MAP3K4: variants seen among roughly 807,000 people sequenced by gnomAD.
MAP3K4 encodes MAP three kinase 1.
A neutral mutation model predicts 185.6 loss-of-function variants in MAP3K4; 67 were observed. The ratio of observed to expected loss-of-function variants is 0.36; its 90% confidence interval spans 0.30 to 0.44. The LOEUF is 0.44. MAP3K4 is among the 20% of genes least tolerant of loss of function. The probability of loss-of-function intolerance (pLI) is 1.00; values close to 1 mark genes in which losing one functional copy is unlikely to be tolerated. For synonymous variants in MAP3K4, 702 were observed against 710.4 expected (o/e 0.99, Z 0.19); for missense variants, 1,551 against 1,995.1 (o/e 0.78, Z 4.24).
rs1166605195 is a variant in MAP3K4 at position 161,096,130 on chromosome 6, T to G, written c.3428-950T>G. Among the ~76,000 whole-genome samples the G allele has an allele frequency of 2.0e-5, 3 of 152,198 alleles. No homozygotes were observed. The highest frequency in any genetic ancestry group is 4.4e-5 in the Non-Finnish European group (3 of 68,030). ...CACAAATTGCCTGAGGGTTTTTTGT[T>G]AACAATCCCTTAAGTTTTGTTTTGT... On this transcript the variant is annotated intron_variant, in intron 15 of 26. Transcript: ENST00000392142. The surrounding 1 kb of genome is among the most constrained non-coding windows in gnomAD (Gnocchi z 4.9).
chr6:161,027,555 AAT>A (rs1782733396), intron 1 of MAP3K4, among the ~76,000 whole-genome samples: 1 of 152,194 alleles, frequency 6.6e-6, no homozygotes, highest in South Asian at 2.1e-4. Context: ...ATTTTAGAGA[AAT>A]AGAGTGGAGA....
chr6:161,058,220 A>AT lies in MAP3K4; in HGVS notation c.1707+8249dup, dbSNP rs199759561. Reference sequence around the variant, plus strand: ...TTTTGTCCCACACAGTGTTTTAAATATTTTTTTTGACTTAGTGTCTAATAT... The same window carrying AT: ...TTTTGTCCCACACAGTGTTTTAAATATTTTTTTTTGACTTAGTGTCTAATAT... On this transcript the variant is annotated intron_variant, in intron 3 of 26. Transcript: ENST00000392142. Among the ~76,000 whole-genome samples the AT allele has an allele frequency of 7.6e-3, 1,151 of 152,110 alleles. 12 individuals carry two copies. The highest frequency in any genetic ancestry group is 0.065 in the Middle Eastern group (19 of 294).
intron 19 of MAP3K4, among the ~76,000 whole-genome samples, 156 bp downstream of exon 19, chr6:161,102,935 A>G (rs141837393): frequency 6.6e-6 from 1 of 152,136 alleles, no homozygotes; most frequent in African/African-American, 2.4e-5. Context: ...ATCACTTTCT[A>G]TCATGTACTG....
rs1337773841 is a variant in MAP3K4 at position 161,112,406 on chromosome 6, T to C, written c.4520-262T>C. On this transcript the variant is annotated intron_variant, in intron 24 of 26. Coordinates refer to ENST00000392142, the MANE Select transcript of MAP3K4 (RefSeq NM_005922.4). The surrounding 1 kb of genome is among the most constrained non-coding windows in gnomAD (Gnocchi z 5.1). ...GTGCCATGAAATTTTGCCTCCTCCT[T>C]TGCAGGTTAAATTTTCTATTTTCAT... Among the ~76,000 whole-genome samples the C allele has an allele frequency of 6.6e-6, 1 of 152,190 alleles. No homozygotes were observed. The highest frequency in any genetic ancestry group is 2.4e-5 in the African/African-American group (1 of 41,438).
chr6:161,115,398 T>C lies in MAP3K4; in HGVS notation c.4806+96T>C. ...TGAAATTTTGAAACTTTAAAGTAGC[T>C]ATATCTGAAGTGGAAAGGAACTAAA... On this transcript the variant is annotated intron_variant, in intron 26 of 26. Transcript: ENST00000392142. The surrounding 1 kb of genome is among the most constrained non-coding windows in gnomAD (Gnocchi z 6.0). The C allele has an allele frequency of 1.6e-6, 2 of 1,214,728 alleles. No homozygotes were observed. The highest frequency in any genetic ancestry group is 2.4e-5 in the East Asian group (1 of 41,096). 75.2% of individuals were successfully genotyped at this position (1,214,728 alleles called of 1,614,324 possible). A position where few individuals can be genotyped will look rare whatever the true frequency, so the allele number is the denominator to read the frequency against.
chr6:161,016,493 T>A (rs572070408), intron 1 of MAP3K4, among the ~76,000 whole-genome samples: 1 of 152,362 alleles, frequency 6.6e-6, no homozygotes, highest in Non-Finnish European at 1.5e-5. Context: ...ATTTTGATCT[T>A]CTATTCATTT....
Position 161,049,543 on chromosome 6 carries a change from G to A in MAP3K4, c.1271G>A (p.Trp424Ter). The A allele has an allele frequency of 6.2e-7, 1 of 1,614,062 alleles. No homozygotes were observed. The highest frequency in any genetic ancestry group is 8.5e-7 in the Non-Finnish European group (1 of 1,179,950). ...LGIKNLSDIG[W>*]PVFEIPSPRP... ...ATCAAGAATTTATCAGACATTGGCT[G>A]GCCAGTGTTTGAAATCCCTTCCCCT... Residue 424 changes from tryptophan (W) to a stop codon, truncating the protein, a stop_gained, in exon 3 of 27, where the codon TGG (tryptophan) becomes TAG (stop). Transcript: ENST00000392142. LOFTEE classifies it high-confidence loss of function. The surrounding 1 kb of genome is among the most constrained non-coding windows in gnomAD (Gnocchi z 8.4).
rs572076797 is a variant in MAP3K4 at position 161,017,122 on chromosome 6, C to A, written c.153-17137C>A. The stretch of plus-strand genomic sequence containing the variant: ...GAAGCGAAAAAAGAACAACAAAGGC[C>A]TTAGTTTAACCAACATTATATTAAA... On this transcript the variant is annotated intron_variant, in intron 1 of 26. Coordinates refer to ENST00000392142, the MANE Select transcript of MAP3K4 (RefSeq NM_005922.4). The surrounding 1 kb of genome is among the most constrained non-coding windows in gnomAD (Gnocchi z 5.1). 6.6e-5 allele frequency among the ~76,000 whole-genome samples: 10 copies of A among 151,986 alleles called. No homozygotes were observed. The highest frequency in any genetic ancestry group is 2.2e-4 in the African/African-American group (9 of 41,450).
At chr6:161,021,246 A>G (rs73784713) in intron 1 of MAP3K4, among the ~76,000 whole-genome samples, 7,166 of 152,238 alleles carry the variant, frequency 0.047, 529 homozygotes, top group African/African-American at 0.16. Context: ...TTAGCTACCA[A>G]CAGGTCACTT....
intron 2 of MAP3K4, among the ~76,000 whole-genome samples, chr6:161,041,195 A>G (rs1423032097): frequency 1.3e-5 from 2 of 152,206 alleles, no homozygotes; most frequent in East Asian, 1.9e-4. Flanking sequence ...GCACCTGCCC[A>G]AGGAACATAT....
Position 160,991,896 on chromosome 6 carries a change from A to G in MAP3K4, c.-36A>G. 6.7e-7 allele frequency: 1 copy of G among 1,488,030 alleles called. No individual in the cohort carries two copies. The highest frequency in any genetic ancestry group is 8.9e-7 in the Non-Finnish European group (1 of 1,127,772). 92.2% of individuals were successfully genotyped at this position (1,488,030 alleles called of 1,614,324 possible). A position where few individuals can be genotyped will look rare whatever the true frequency, so the allele number is the denominator to read the frequency against. On this transcript the variant is annotated 5_prime_UTR_variant, in exon 1 of 27. Transcript: ENST00000392142. The surrounding 1 kb of genome is among the most constrained non-coding windows in gnomAD (Gnocchi z 5.7). ...GGTGCCCCGCGCCAGGCTGCAGCTT[A>G]CTGCCCGCCGCGGCCATGCGGGGCT... is the stretch of plus-strand genomic sequence containing the variant.
chr6:161,101,563 T>C lies in MAP3K4; in HGVS notation c.3675-329T>C, dbSNP rs117347685. The stretch of plus-strand genomic sequence containing the variant: ...GACAAGGTTTTATGCAGGCAGGTGC[T>C]CTCAGGCTCGGGTGTTGGCTATGGA... On this transcript the variant is annotated intron_variant, in intron 17 of 26. Transcript: ENST00000392142. This position sits in a 1 kb window ranked among gnomAD's most constrained non-coding sequence, Gnocchi z 5.1. The C allele has an allele frequency of 5.4e-6, 1 of 184,120 alleles. No homozygotes were observed. Among genetic ancestry groups the C allele is most frequent in the East Asian group, 1.3e-4 (1 of 7,556 alleles). 11.4% of individuals were successfully genotyped at this position (184,120 alleles called of 1,614,324 possible). A position where few individuals can be genotyped will look rare whatever the true frequency, so the allele number is the denominator to read the frequency against.
intron 19 of MAP3K4, among the ~76,000 whole-genome samples, chr6:161,105,336 A>C (rs925770267): frequency 3.9e-5 from 6 of 152,348 alleles, no homozygotes; most frequent in Admixed American, 3.3e-4. Context: ...CCTCTGGGCT[A>C]AATGCTTTAC....
chr6:161,081,974 T>A (rs1454162426), intron 6 of MAP3K4, among the ~76,000 whole-genome samples: 1 of 152,124 alleles, frequency 6.6e-6, no homozygotes, highest in Non-Finnish European at 1.5e-5. Context: ...TGTCTCCTGG[T>A]CCCGTCAGCG....
chr6:161,017,435 C>G lies in MAP3K4; in HGVS notation c.153-16824C>G, dbSNP rs543066221. Among the ~76,000 whole-genome samples, 1 of 152,174 alleles carries G rather than the reference C, an allele frequency of 6.6e-6. No individual in the cohort carries two copies. The highest frequency in any genetic ancestry group is 2.4e-5 in the African/African-American group (1 of 41,502). On this transcript the variant is annotated intron_variant, in intron 1 of 26. Coordinates refer to ENST00000392142, the MANE Select transcript of MAP3K4 (RefSeq NM_005922.4). This position sits in a 1 kb window ranked among gnomAD's most constrained non-coding sequence, Gnocchi z 5.1. ...CCAAGAGTGTTATTTATTTGGTCTT[C>G]TGGTACCATCTGTAGTTGAGAAGTA...
chr6:161,091,304 A>G lies in MAP3K4; in HGVS notation c.2974-75A>G. 1 of 1,305,442 alleles carries G rather than the reference A, an allele frequency of 7.7e-7. No individual in the cohort carries two copies. The highest frequency in any genetic ancestry group is 1.6e-5 in the South Asian group (1 of 63,682). 80.9% of individuals were successfully genotyped at this position (1,305,442 alleles called of 1,614,324 possible). A position where few individuals can be genotyped will look rare whatever the true frequency, so the allele number is the denominator to read the frequency against. ...GTTAATGTCTGTGTGATGATGAACG[A>G]AATCTTCCTTTAAAATGTGGTAAGT... On this transcript the variant is annotated intron_variant, in intron 11 of 26. Transcript: ENST00000392142. This position sits in a 1 kb window ranked among gnomAD's most constrained non-coding sequence, Gnocchi z 5.5.
chr6:161,103,596 AG>A lies in MAP3K4; in HGVS notation c.3856+821del, dbSNP rs762984167. ...CCAATGCAGGAGAAACTGGAGAGTG[AG>A]GGGAGATCAGATCATGGACAGCCAT... is the stretch of plus-strand genomic sequence containing the variant. On this transcript the variant is annotated intron_variant, in intron 19 of 26. Transcript: ENST00000392142. The surrounding 1 kb of genome is among the most constrained non-coding windows in gnomAD (Gnocchi z 4.6). Among the ~76,000 whole-genome samples, 7 of 152,144 alleles carry A rather than the reference AG, an allele frequency of 4.6e-5. No individual in the cohort carries two copies. Among genetic ancestry groups the A allele is most frequent in the Non-Finnish European group, 1.0e-4 (7 of 68,032 alleles).
In MAP3K4 at chr6:161,051,368, C is replaced by G. The variant is rs112295619; in HGVS notation, c.1707+1389C>G. Among the ~76,000 whole-genome samples, 273 of 152,116 alleles carry G rather than the reference C, an allele frequency of 1.8e-3. 1 individual carries two copies. The highest frequency in any genetic ancestry group is 6.5e-3 in the African/African-American group (269 of 41,506). On this transcript the variant is annotated intron_variant, in intron 3 of 26. Coordinates refer to ENST00000392142, the MANE Select transcript of MAP3K4 (RefSeq NM_005922.4). This position sits in a 1 kb window ranked among gnomAD's most constrained non-coding sequence, Gnocchi z 4.2. Reference sequence around the variant, plus strand: ...GATTTTAATTTTTTATTCTGACAGCCGGATTATGAGCCCTTAGGAGGAACG... The same window carrying G: ...GATTTTAATTTTTTATTCTGACAGCGGGATTATGAGCCCTTAGGAGGAACG...
intron 1 of MAP3K4, among the ~76,000 whole-genome samples, chr6:160,997,682 C>T (rs185610364): frequency 3.9e-5 from 6 of 152,270 alleles, no homozygotes; most frequent in Middle Eastern, 3.4e-3. Context: ...ATTTGTCCAC[C>T]GGCTGTGTCT....
Sources: allele counts gnomAD v4.1 joint callset (sites outside exome capture counted in the v4.1 genomes callset), GRCh38; gene constraint gnomAD v4.1.1; non-coding constraint Gnocchi (gnomAD v3.1); transcripts MANE v1.5; gene names NCBI Gene and HGNC (gene_info 2026-07-23, HGNC 2026-07-21).